Variants in STMN2 observed in about 807,000 individuals in gnomAD.
STMN2 encodes stathmin 2, also known as stathmin-2.
STMN2 carries 2 observed loss-of-function variants against 24.1 expected under a neutral mutation model. The ratio of observed to expected loss-of-function variants is 0.08; its 90% CI spans 0.03 to 0.26. The LOEUF (loss-of-function observed/expected upper bound fraction) is 0.26. Ranked by LOEUF, STMN2 falls within the 10% of genes least tolerant of loss-of-function variation. STMN2 has a pLI of 1.00. For synonymous variants in STMN2, 83 were observed against 77.5 expected (o/e 1.07, Z -0.37); for missense variants, 114 against 213.6 (o/e 0.53, Z 2.91).
chr8:79,626,285 G>T (rs1376950542), intron 1 of STMN2, among the ~76,000 whole-genome samples: 1 of 152,176 alleles, frequency 6.6e-6, no homozygotes, highest in Non-Finnish European at 1.5e-5. Context: ...ATACAAAGGA[G>T]ACATTCACCT....
intron 1 of STMN2, among the ~76,000 whole-genome samples, chr8:79,627,264 T>C (rs544556566): frequency 7.2e-5 from 11 of 152,298 alleles, no homozygotes; most frequent in Middle Eastern, 3.4e-3. Flanking sequence ...GTGAGTTTGG[T>C]TTATCAGCAA....
At chr8:79,614,044 G>A (rs930569880) in intron 1 of STMN2, among the ~76,000 whole-genome samples, 3 of 152,104 alleles carry the variant, frequency 2.0e-5, no homozygotes, top group Admixed American at 6.5e-5. Context: ...CCCTGAAACT[G>A]TTCTTCCAAC....
In STMN2 at chr8:79,636,772, A is replaced by C. The variant is rs778952440; in HGVS notation, c.20-30A>C. 3.1e-6 allele frequency: 5 copies of C among 1,594,756 alleles called. No individual in the cohort carries two copies. In the South Asian group the frequency reaches 4.5e-5, roughly 14 times the overall value. On this transcript the variant is annotated intron_variant, in intron 1 of 4. Coordinates refer to ENST00000220876, the MANE Select transcript of STMN2 (RefSeq NM_007029.4). ...GTAAAGAGAAATTCAGAAAAAATGA[A>C]ATATACTAATCTTCAGCTTTTCATT...
intron 2 of STMN2, among the ~76,000 whole-genome samples, chr8:79,640,003 C>A (rs1048784376): frequency 6.6e-6 from 1 of 152,290 alleles, no homozygotes; most frequent in East Asian, 1.9e-4. Context: ...AGTTCGAGAC[C>A]AGCCTGACCA....
At chr8:79,638,021 A>T (rs974065745) in intron 2 of STMN2, among the ~76,000 whole-genome samples, 4 of 152,240 alleles carry the variant, frequency 2.6e-5, no homozygotes, top group African/African-American at 9.6e-5. Context: ...ATTCATTAGA[A>T]TGCAGGGCCA....
chr8:79,628,612 A>T (rs1019862688), intron 1 of STMN2, among the ~76,000 whole-genome samples: 38 of 152,294 alleles, frequency 2.5e-4, no homozygotes, highest in African/African-American at 8.2e-4. Flanking sequence ...CACGTGTGAG[A>T]TAATATCTCA....
At chr8:79,617,825 T>G (rs1478783559) in intron 1 of STMN2, among the ~76,000 whole-genome samples, 5 of 152,258 alleles carry the variant, frequency 3.3e-5, no homozygotes, top group Non-Finnish European at 7.3e-5. Flanking sequence ...GAAGTAACTT[T>G]TATTGATTGA....
At chr8:79,612,177 C>T (rs751301537) in intron 1 of STMN2, among the ~76,000 whole-genome samples, 1 of 152,006 alleles carries the variant, frequency 6.6e-6, no homozygotes, top group Non-Finnish European at 1.5e-5. Context: ...ACGCCCCGCG[C>T]TCCCCGCTCC....
chr8:79,616,404 T>C (rs1289974870), intron 1 of STMN2, among the ~76,000 whole-genome samples: 1 of 152,178 alleles, frequency 6.6e-6, no homozygotes, highest in Non-Finnish European at 1.5e-5. Context: ...GATAGAATTA[T>C]TTTTTGATTA....
intron 2 of STMN2, among the ~76,000 whole-genome samples, chr8:79,637,278 C>A (rs1465056147): frequency 2.0e-5 from 3 of 152,228 alleles, no homozygotes; most frequent in East Asian, 1.9e-4. Flanking sequence ...GAATCAACAA[C>A]CATAATTGTT....
chr8:79,615,079 T>A (rs945172759), intron 1 of STMN2, among the ~76,000 whole-genome samples: 6 of 152,236 alleles, frequency 3.9e-5, no homozygotes, highest in Admixed American at 3.3e-4. Flanking sequence ...AGTTACTTAG[T>A]TCTGTGAATA....
intron 1 of STMN2, among the ~76,000 whole-genome samples, chr8:79,616,207 C>T (rs537036294): frequency 1.3e-5 from 2 of 152,122 alleles, no homozygotes; most frequent in Non-Finnish European, 2.9e-5. Context: ...TTTAAAGATA[C>T]CTTTTTAAAT....
At chr8:79,618,092 T>C (rs1159459083) in intron 1 of STMN2, among the ~76,000 whole-genome samples, 2 of 152,212 alleles carry the variant, frequency 1.3e-5, no homozygotes, top group African/African-American at 2.4e-5. Flanking sequence ...AGAGGTGAGC[T>C]CCCATTGCAG....
chr8:79,653,104 A>G (rs1810370203), intron 3 of STMN2, among the ~76,000 whole-genome samples: 1 of 152,192 alleles, frequency 6.6e-6, no homozygotes, highest in Admixed American at 6.5e-5. Flanking sequence ...CCAGCCAAGC[A>G]CAGTGGCTCA....
At chr8:79,613,661 G>A (rs117014289) in intron 1 of STMN2, 17,872 of 985,398 alleles carry the variant, frequency 0.018, 190 homozygotes, top group Non-Finnish European at 0.021. Context: ...GTTCTCATTT[G>A]TTCAAAAGGG....
chr8:79,613,256 G>C (rs1009296733), intron 1 of STMN2, among the ~76,000 whole-genome samples: 3 of 151,778 alleles, frequency 2.0e-5, no homozygotes, highest in East Asian at 1.9e-4. Flanking sequence ...GGCGCGGCTC[G>C]GCCCCACCCC....
intron 1 of STMN2, among the ~76,000 whole-genome samples, chr8:79,622,155 A>G (rs1485797248): frequency 6.6e-6 from 1 of 152,186 alleles, no homozygotes; most frequent in African/African-American, 2.4e-5. Flanking sequence ...ACCATGCTCC[A>G]CTACTACTCA....
intron 1 of STMN2, among the ~76,000 whole-genome samples, chr8:79,626,633 T>C (rs1809661317): frequency 1.3e-5 from 2 of 152,192 alleles, no homozygotes; most frequent in Non-Finnish European, 2.9e-5. Context: ...GGGAAGCTAA[T>C]TGGGCCACTG....
chr8:79,663,330 C>T (rs1806538559), intron 4 of STMN2, among the ~76,000 whole-genome samples: 2 of 152,112 alleles, frequency 1.3e-5, no homozygotes. Flanking sequence ...TTGTTAGTAT[C>T]ATGAAGATGG....
Sources: allele counts gnomAD v4.1 joint callset (sites outside exome capture counted in the v4.1 genomes callset), GRCh38; gene constraint gnomAD v4.1.1; transcripts MANE v1.5; gene names NCBI Gene and HGNC (gene_info 2026-07-23, HGNC 2026-07-21).